The following RAPGEF6 variants were observed in gnomAD, a reference collection of about 807,000 sequenced individuals.
RAPGEF6 encodes Rap guanine nucleotide exchange factor 6, also known as PDZ domain containing guanine nucleotide exchange factor (GEF) 2.
Under a neutral mutation model 171.4 loss-of-function variants are expected in RAPGEF6, and 56 were observed. That is an observed-to-expected ratio of 0.33 (90% CI 0.26 to 0.41). RAPGEF6 has a LOEUF of 0.41. RAPGEF6 is among the 10% of genes least tolerant of loss of function. The pLI is 1.00. For synonymous variants in RAPGEF6, 692 were observed against 650.1 expected (o/e 1.06, Z -0.98); for missense variants, 1,674 against 1,921.4 (o/e 0.87, Z 2.41).
At chr5:131,611,773 A>T (rs1014569738) in intron 1 of RAPGEF6, among the ~76,000 whole-genome samples, 2 of 152,256 alleles carry the variant, frequency 1.3e-5, no homozygotes, top group Non-Finnish European at 2.9e-5. Context: ...CATCTTGTTA[A>T]TAAATTCACT....
intron 4 of RAPGEF6, among the ~76,000 whole-genome samples, chr5:131,592,014 C>T (rs1418506271): frequency 6.6e-6 from 1 of 152,120 alleles, no homozygotes; most frequent in African/African-American, 2.4e-5. Flanking sequence ...TGCGCCACCA[C>T]ACCTAGCTAA....
At chr5:131,458,328 ACT>A (rs1389930309) in intron 19 of RAPGEF6, among the ~76,000 whole-genome samples, 18 of 147,670 alleles carry the variant, frequency 1.2e-4, no homozygotes, top group Non-Finnish European at 1.1e-4. Flanking sequence ...TTCCCCCCTC[ACT>A]CTCTCTCTCT....
chr5:131,630,985 ACT>A (rs1420345685), intron 1 of RAPGEF6, among the ~76,000 whole-genome samples: 1 of 151,526 alleles, frequency 6.6e-6, no homozygotes, highest in Admixed American at 6.6e-5. Flanking sequence ...GGGCACCACC[ACT>A]CTCTCGGTTT....
intron 16 of RAPGEF6, among the ~76,000 whole-genome samples, chr5:131,478,868 C>T (rs924856870): frequency 7.2e-5 from 11 of 152,124 alleles, no homozygotes; most frequent in African/African-American, 2.7e-4. Flanking sequence ...ACTGTCTTAA[C>T]TTATTCAATA....
intron 17 of RAPGEF6, among the ~76,000 whole-genome samples, chr5:131,468,625 T>C (rs1032574887): frequency 7.2e-5 from 11 of 152,148 alleles, no homozygotes; most frequent in African/African-American, 2.4e-4. Context: ...AAATTGTTAA[T>C]TGTTGAATAA....
chr5:131,590,716 T>C (rs1763539774), intron 4 of RAPGEF6, among the ~76,000 whole-genome samples: 1 of 152,180 alleles, frequency 6.6e-6, no homozygotes, highest in East Asian at 1.9e-4. Context: ...TCTCAAACAT[T>C]CTGATTATTT....
At chr5:131,534,284 T>C (rs1759605090) in intron 6 of RAPGEF6, among the ~76,000 whole-genome samples, 1 of 152,060 alleles carries the variant, frequency 6.6e-6, no homozygotes, top group African/African-American at 2.4e-5. Flanking sequence ...TTCAATATCT[T>C]TGAGAAAAGT....
In RAPGEF6 at chr5:131,431,049, T is replaced by C; in HGVS notation, c.4275A>G (p.Lys1425=). The C allele has an allele frequency of 2.5e-6, 4 of 1,614,168 alleles. No individual in the cohort carries two copies. The highest frequency in any genetic ancestry group is 3.4e-6 in the Non-Finnish European group (4 of 1,180,020). The change falls in exon 26 of 28, where the codon AAA becomes AAG. Residue 1425 remains lysine, a synonymous_variant. Transcript: ENST00000509018. ...KSCSRTCGQC[K]GSLERKSWTS... ...TCCAACTCTTTCTCTCTAGGCTTCC[T>C]TTACACTGCCCACAAGTTCTAGAGC...
At chr5:131,580,259 C>T (rs1762867861) in intron 4 of RAPGEF6, among the ~76,000 whole-genome samples, 1 of 152,202 alleles carries the variant, frequency 6.6e-6, no homozygotes, top group East Asian at 1.9e-4. Flanking sequence ...GCGCCTCCTC[C>T]ACAGCTGCCG....
At chr5:131,608,632 G>A (rs1179089915) in intron 1 of RAPGEF6, among the ~76,000 whole-genome samples, 4 of 152,168 alleles carry the variant, frequency 2.6e-5, no homozygotes, top group African/African-American at 9.7e-5. Context: ...TAGCAGGTAG[G>A]ACCTAGCAAG....
chr5:131,433,984 A>T (rs1030043676), intron 24 of RAPGEF6, among the ~76,000 whole-genome samples: 9 of 152,318 alleles, frequency 5.9e-5, no homozygotes, highest in South Asian at 2.1e-4. Flanking sequence ...TAAAATAAGA[A>T]GATTACAAAT....
chr5:131,588,688 A>T (rs1763407669), intron 4 of RAPGEF6, among the ~76,000 whole-genome samples: 1 of 151,874 alleles, frequency 6.6e-6, no homozygotes, highest in African/African-American at 2.4e-5. Context: ...GGTTGAGGTG[A>T]GCCGAGACTG....
intron 25 of RAPGEF6, among the ~76,000 whole-genome samples, chr5:131,433,159 AGCAGAT>A (rs1751812153): frequency 6.6e-6 from 1 of 152,194 alleles, no homozygotes; most frequent in South Asian, 2.1e-4. Context: ...CTATATAAGT[AGCAGAT>A]GCACTTTGAG....
chr5:131,573,755 C>A (rs1391205345), intron 4 of RAPGEF6, among the ~76,000 whole-genome samples: 2 of 152,082 alleles, frequency 1.3e-5, no homozygotes, highest in South Asian at 2.1e-4. Context: ...GGAAACTACC[C>A]ACGGTAAAGA....
chr5:131,477,187 G>A lies in RAPGEF6; in HGVS notation c.2081+2326C>T, dbSNP rs1169703991. On this transcript the variant is annotated intron_variant, in intron 16 of 27. Coordinates refer to ENST00000509018, the MANE Select transcript of RAPGEF6 (RefSeq NM_016340.6). ...TCAAGAAATATAAGATACATTCTCC[G>A]AAATGCAAAAAGGCCAGTCTGATAG... Among the ~76,000 whole-genome samples the A allele has an allele frequency of 2.0e-5, 3 of 151,996 alleles. No homozygotes were observed. The East Asian group carries it at 5.8e-4, about 29-fold the overall frequency.
chr5:131,594,508 A>G (rs1763775749), intron 3 of RAPGEF6, among the ~76,000 whole-genome samples: 2 of 152,204 alleles, frequency 1.3e-5, no homozygotes, highest in Non-Finnish European at 2.9e-5. Flanking sequence ...GTGGGGTTGG[A>G]GCCCCCACAC....
chr5:131,521,559 A>G (rs1202379504), intron 6 of RAPGEF6, 38 bp from the exon 7 acceptor site: 9 of 1,572,588 alleles, frequency 5.7e-6, no homozygotes, highest in Non-Finnish European at 6.0e-6. Flanking sequence ...CTAAATGTCA[A>G]GCTTTACCTT....
intron 5 of RAPGEF6, among the ~76,000 whole-genome samples, chr5:131,558,573 T>C (rs1761390361): frequency 1.3e-5 from 2 of 152,216 alleles, no homozygotes; most frequent in Non-Finnish European, 2.9e-5. Context: ...TACTTTACTG[T>C]CAGCCTTTGC....
chr5:131,514,792 A>C (rs979814706), intron 7 of RAPGEF6, among the ~76,000 whole-genome samples: 1 of 152,192 alleles, frequency 6.6e-6, no homozygotes, highest in Non-Finnish European at 1.5e-5. Flanking sequence ...TATGTGGGTC[A>C]AAAGACACTC....
Sources: gnomAD v4.1 joint callset for allele counts (sites outside exome capture counted in the v4.1 genomes callset) on GRCh38, gnomAD v4.1.1 for gene constraint, MANE v1.5 for transcripts, NCBI Gene and HGNC (gene_info 2026-07-23, HGNC 2026-07-21) for gene names.